Variants in SEC24D observed in about 807,000 individuals in gnomAD.
The protein encoded by SEC24D is protein transport protein Sec24D.
In SEC24D, 69 loss-of-function variants were observed where a neutral mutation model predicts 116.9. The ratio of observed to expected loss-of-function variants is 0.59; its 90% CI spans 0.49 to 0.72. SEC24D has a LOEUF of 0.72. SEC24D is among the 30% of genes least tolerant of loss of function. SEC24D has a pLI of 0.00. For synonymous variants in SEC24D, 405 were observed against 442.8 expected (o/e 0.91, Z 1.07); for missense variants, 1,131 against 1,264.1 (o/e 0.89, Z 1.60).
intron 2 of SEC24D, among the ~76,000 whole-genome samples, chr4:118,826,457 C>G (rs1233612766): frequency 6.6e-6 from 1 of 152,156 alleles, no homozygotes. Context: ...CATTTTTATT[C>G]TAACAAAGCA....
chr4:118,831,929 A>C (rs1730876368), intron 2 of SEC24D, among the ~76,000 whole-genome samples: 1 of 152,200 alleles, frequency 6.6e-6, no homozygotes, highest in Non-Finnish European at 1.5e-5. Flanking sequence ...AAAAATGGGC[A>C]CAATGGCTCA....
chr4:118,799,136 A>G (rs1041659385), intron 7 of SEC24D, among the ~76,000 whole-genome samples: 2 of 152,230 alleles, frequency 1.3e-5, no homozygotes, highest in African/African-American at 4.8e-5. Flanking sequence ...GCCTGACAGG[A>G]GTAGAAGTGT....
At chr4:118,767,319 T>A (rs1727688415) in intron 9 of SEC24D, among the ~76,000 whole-genome samples, 1 of 152,178 alleles carries the variant, frequency 6.6e-6, no homozygotes. Flanking sequence ...CCCAGCTCAG[T>A]CAGCATTAGG....
In SEC24D at chr4:118,740,705, C is replaced by T. The variant is rs1222775721; in HGVS notation, c.2196G>A (p.Lys732=). The part of the protein sequence containing the change: ...DCDKAVTVEF[K]HDDKLSEDSG... The stretch of plus-strand genomic sequence containing the variant: ...TGTCTTCACTGAGTTTGTCATCGTG[C>T]TTGAACTCCACGGTCACTGCCTTGT... Residue 732 remains lysine, a synonymous_variant, in exon 17 of 23, where the codon AAG becomes AAA. Transcript: ENST00000280551. 1 of 1,613,922 alleles carries T rather than the reference C, an allele frequency of 6.2e-7. No individual in the cohort carries two copies. The highest frequency in any genetic ancestry group is 8.5e-7 in the Non-Finnish European group (1 of 1,179,848).
chr4:118,822,820 G>A (rs1348238808), intron 3 of SEC24D, among the ~76,000 whole-genome samples: 2 of 152,018 alleles, frequency 1.3e-5, no homozygotes, highest in Non-Finnish European at 2.9e-5. Context: ...CGATCCTCTC[G>A]TGTCAGCCTC....
chr4:118,752,647 A>C, intron 12 of SEC24D, 50 bp downstream of exon 12: 9 of 1,351,108 alleles, frequency 6.7e-6, no homozygotes, highest in Non-Finnish European at 9.2e-6. Flanking sequence ...AGTGCAATTA[A>C]AGACAAAACA....
At chr4:118,785,902 T>C (rs1728647998) in intron 8 of SEC24D, among the ~76,000 whole-genome samples, 1 of 152,160 alleles carries the variant, frequency 6.6e-6, no homozygotes, top group African/African-American at 2.4e-5. Flanking sequence ...CTTTCTTGTA[T>C]ATAGCAGACA....
In SEC24D at chr4:118,821,227, CTT is replaced by C. The variant is rs1423772473; in HGVS notation, c.248+3391_248+3392del. On this transcript the variant is annotated intron_variant, in intron 3 of 22. Coordinates refer to ENST00000280551, the MANE Select transcript of SEC24D (RefSeq NM_014822.4). The stretch of plus-strand genomic sequence containing the variant: ...TTATTTTTATTGCTCCTTCCTTCAA[CTT>C]TTGTTGAAATCAATTTCTTAGTAGA... Among the ~76,000 whole-genome samples, 3 of 152,354 alleles carry C rather than the reference CTT, an allele frequency of 2.0e-5. No individual in the cohort carries two copies. In the East Asian group the frequency reaches 5.8e-4, roughly 29 times the overall value.
At chr4:118,748,444 A>C (rs1039294500) in intron 13 of SEC24D, among the ~76,000 whole-genome samples, 1 of 152,212 alleles carries the variant, frequency 6.6e-6, no homozygotes, top group Non-Finnish European at 1.5e-5. Context: ...GTAGCAAATT[A>C]ATAAAAGATA....
At chr4:118,827,342 T>G (rs559363783) in intron 2 of SEC24D, among the ~76,000 whole-genome samples, 1 of 152,172 alleles carries the variant, frequency 6.6e-6, no homozygotes, top group African/African-American at 2.4e-5. Context: ...TCAAAAGTAC[T>G]CAAACACAAA....
At chr4:118,804,161 T>C (rs574724282) in intron 7 of SEC24D, among the ~76,000 whole-genome samples, 1 of 152,186 alleles carries the variant, frequency 6.6e-6, no homozygotes, top group Non-Finnish European at 1.5e-5. Context: ...TGGAGAAGAC[T>C]TGAAAAAGAA....
At chr4:118,813,275 A>C (rs940904325) in intron 6 of SEC24D, among the ~76,000 whole-genome samples, 5 of 152,240 alleles carry the variant, frequency 3.3e-5, no homozygotes, top group African/African-American at 1.2e-4. Flanking sequence ...CAGAAGCTGA[A>C]AGAGCCTAGG....
intron 11 of SEC24D, among the ~76,000 whole-genome samples, chr4:118,756,213 G>A (rs1239430029): frequency 2.0e-5 from 3 of 152,170 alleles, no homozygotes; most frequent in Non-Finnish European, 2.9e-5. Context: ...AGAGAGTTCT[G>A]TAATAAAATA....
At position 118,836,012 on chromosome 4, in the gene SEC24D, T is replaced by G. The variant is rs1731082488; in HGVS notation, c.-113A>C. 1 of 152,164 alleles carries G rather than the reference T, an allele frequency of 6.6e-6. No homozygotes were observed. Among genetic ancestry groups the G allele is most frequent in the Non-Finnish European group, 1.5e-5 (1 of 68,074 alleles). The allele number at this position is 152,164 out of a possible 1,614,324, so 9.4% of individuals were successfully genotyped here. On this transcript the variant is annotated 5_prime_UTR_variant, in exon 1 of 23. Coordinates refer to ENST00000280551, the MANE Select transcript of SEC24D (RefSeq NM_014822.4). ...TGCGCCTAGTGCCGGCAGCCCTCGG[T>G]GGCCGGGCTCCCGCTGCGGTCGCTT...
rs1437325840 is a variant in SEC24D at position 118,732,794 on chromosome 4, A to C, written c.2615T>G (p.Leu872Arg). The C allele has an allele frequency of 6.2e-7, 1 of 1,614,196 alleles. No individual in the cohort carries two copies. The highest frequency in any genetic ancestry group is 1.3e-5 in the African/African-American group (1 of 75,062). The change falls in exon 20 of 23, where the codon CTG becomes CGG. Residue 872 changes from leucine to arginine, a missense_variant. Transcript: ENST00000280551. ...GTCAGCCACACCCATGGTCATGACC[A>C]GCTGTCTCTGGTATGCTCGTTCATC... ...STDERAYQRQLVMTMGVADSQ... is the reference protein window; with the variant it reads ...STDERAYQRQRVMTMGVADSQ...
rs754919437 is a variant in SEC24D, at chr4:118,815,486, C to T, written c.638G>A (p.Gly213Asp). ...AGGATATCCAGCACCCAAGGTCTGGCCTGGAAGAGGTGGGGGCTGGTACTG... is the reference window on the plus strand; with the variant it reads ...AGGATATCCAGCACCCAAGGTCTGGTCTGGAAGAGGTGGGGGCTGGTACTG... ...NAQYQPPPLP[G>D]QTLGAGYPPQ... Residue 213 changes from glycine (G) to aspartate (D), a missense_variant, in exon 5 of 23, where the codon GGC (glycine) becomes GAC (aspartate). By Grantham distance (94) the Gly-to-Asp change is moderately conservative. Transcript: ENST00000280551. 1.2e-6 allele frequency: 2 copies of T among 1,614,190 alleles called. No homozygotes were observed. The highest frequency in any genetic ancestry group is 8.5e-7 in the Non-Finnish European group (1 of 1,180,026).
chr4:118,807,738 A>G (rs530950549), intron 6 of SEC24D, among the ~76,000 whole-genome samples: 218 of 152,296 alleles, frequency 1.4e-3, no homozygotes, highest in African/African-American at 4.5e-3. Flanking sequence ...TGAAATGTTG[A>G]TGACAGATTT....
chr4:118,749,588 G>C (rs1726724241), intron 13 of SEC24D, among the ~76,000 whole-genome samples: 1 of 152,012 alleles, frequency 6.6e-6, no homozygotes, highest in South Asian at 2.1e-4. Flanking sequence ...TGGTCTTCCG[G>C]GCAGAATATC....
intron 2 of SEC24D, among the ~76,000 whole-genome samples, chr4:118,828,172 A>C (rs1421785333): frequency 6.6e-6 from 1 of 151,718 alleles, no homozygotes; most frequent in Non-Finnish European, 1.5e-5. Context: ...GCAATGGTGC[A>C]ATCTCAGCTC....
Sources: gnomAD v4.1 joint callset for allele counts (sites outside exome capture counted in the v4.1 genomes callset) on GRCh38, gnomAD v4.1.1 for gene constraint, MANE v1.5 for transcripts, NCBI Gene and HGNC (gene_info 2026-07-23, HGNC 2026-07-21) for gene names.